SPC25: variants seen among roughly 807,000 people sequenced by gnomAD.
SPC25 encodes SPC25 component of NDC80 kinetochore complex, also known as kinetochore protein Spc25.
SPC25 carries 22 observed loss-of-function variants against 29.6 expected under a neutral mutation model. That is an observed-to-expected ratio of 0.74 (90% confidence interval 0.53 to 1.06). SPC25 has a LOEUF of 1.06. SPC25 is among the 50% of genes least tolerant of loss of function. The probability of loss-of-function intolerance (pLI) is 0.00; values close to 1 mark genes in which losing one functional copy is unlikely to be tolerated. For synonymous variants in SPC25, 91 were observed against 90.4 expected, an observed-to-expected ratio of 1.01 and a Z score of -0.04; for missense variants, 230 against 255.8, an observed-to-expected ratio of 0.90 and a Z score of 0.69.
intron 4 of SPC25, among the ~76,000 whole-genome samples, chr2:168,862,257 CA>C (rs1388770030): frequency 6.6e-6 from 1 of 152,228 alleles, no homozygotes; most frequent in African/African-American, 2.4e-5. Context: ...GACATTGTTG[CA>C]GGCCTATTGT....
At chr2:168,889,179 G>A in intron 3 of SPC25, 47 bp downstream of exon 3, 1 of 1,519,538 alleles carries the variant, frequency 6.6e-7, no homozygotes, top group South Asian at 1.2e-5. Context: ...TCATGATAAA[G>A]ATGTTTTATC....
rs535346091 is a variant in SPC25 at position 168,888,357 on chromosome 2, C to T, written c.199+869G>A. The stretch of plus-strand genomic sequence containing the variant: ...GATCACGAGGTCAGGAGATTGAGAC[C>T]GTCTTGGCTAACACAGTGAAACCCT... On this transcript the variant is annotated intron_variant, in intron 3 of 6. Coordinates refer to ENST00000282074, the MANE Select transcript of SPC25 (RefSeq NM_020675.4). Among the ~76,000 whole-genome samples the T allele has an allele frequency of 2.4e-4, 36 of 152,188 alleles. No homozygotes were observed. The South Asian group carries it at 7.1e-3, about 30-fold the overall frequency.
chr2:168,889,387 C>T lies in SPC25; in HGVS notation c.133G>A (p.Glu45Lys), dbSNP rs1690351405. 6.2e-7 allele frequency: 1 copy of T among 1,613,908 alleles called. No individual in the cohort carries two copies. The highest frequency in any genetic ancestry group is 1.3e-5 in the African/African-American group (1 of 74,874). ...TYKDSIKAFA[E>K]KLSVKLKEEE... ...CATGTTACAAGTTAACACTAGGTAC[C>T]TGCAAATGCTTTGATGGAATCCTTG... Residue 45 changes from glutamate to lysine, a missense_variant and splice_region_variant, in exon 2 of 7, where the codon GAA becomes AAA. Coordinates refer to ENST00000282074, the MANE Select transcript of SPC25 (RefSeq NM_020675.4).
intron 5 of SPC25, among the ~76,000 whole-genome samples, chr2:168,874,370 C>T (rs971585059): frequency 6.6e-6 from 1 of 152,186 alleles, no homozygotes; most frequent in Non-Finnish European, 1.5e-5. Context: ...AGCAATTCCA[C>T]TCCTAAGTAT....
intron 6 of SPC25, among the ~76,000 whole-genome samples, chr2:168,872,605 G>A (rs568000932): frequency 6.6e-6 from 1 of 152,146 alleles, no homozygotes; most frequent in African/African-American, 2.4e-5. Flanking sequence ...AAGGGCATCT[G>A]GTCCAAAATG....
At chr2:168,873,126 G>C (rs1004419703) in intron 6 of SPC25, among the ~76,000 whole-genome samples, 29 of 152,166 alleles carry the variant, frequency 1.9e-4, no homozygotes, top group Non-Finnish European at 1.5e-5. Flanking sequence ...TTATCAATGT[G>C]TGAGATTTGC....
At chr2:168,866,581 T>C (rs1411783052), downstream of SPC25, among the ~76,000 whole-genome samples, 1 of 149,794 alleles carries the variant, frequency 6.7e-6, no homozygotes, top group East Asian at 1.9e-4. Context: ...GGATTTCATG[T>C]CTAAAACACC....
At chr2:168,876,382 T>C (rs1302991051) in intron 4 of SPC25, among the ~76,000 whole-genome samples, 1 of 152,106 alleles carries the variant, frequency 6.6e-6, no homozygotes, top group Admixed American at 6.5e-5. Flanking sequence ...GGAAAATGTA[T>C]ACAGATAGTG....
chr2:168,888,267 ACT>A (rs113465169), intron 3 of SPC25, among the ~76,000 whole-genome samples: 2,409 of 150,814 alleles, frequency 0.016, 60 homozygotes, highest in African/African-American at 0.056. Flanking sequence ...ACAAAGTGAG[ACT>A]CTGTCACCAG....
At chr2:168,861,550 A>C (rs950883202) in intron 4 of SPC25, among the ~76,000 whole-genome samples, 1 of 152,140 alleles carries the variant, frequency 6.6e-6, no homozygotes, top group African/African-American at 2.4e-5. Flanking sequence ...TTAAGGAGTC[A>C]CTGTTGCATT....
intron 1 of SPC25, 22 bp downstream of exon 1, chr2:168,890,296 G>T: frequency 1.0e-6 from 1 of 978,444 alleles, no homozygotes; most frequent in East Asian, 1.1e-4. Context: ...AAGGAGCCCA[G>T]CTCGGCGCCC....
intron 3 of SPC25, among the ~76,000 whole-genome samples, chr2:168,884,648 T>C (rs1435653785): frequency 2.0e-5 from 3 of 152,206 alleles, no homozygotes; most frequent in African/African-American, 7.2e-5. Flanking sequence ...TGACCTTCTC[T>C]CTTACTTCCT....
intron 3 of SPC25, among the ~76,000 whole-genome samples, chr2:168,878,293 T>C (rs1469494021): frequency 1.3e-5 from 2 of 152,184 alleles, no homozygotes; most frequent in African/African-American, 4.8e-5. Context: ...CAAATATAGT[T>C]TATACCAAGG....
chr2:168,887,111 A>T (rs1436887953), intron 3 of SPC25, among the ~76,000 whole-genome samples: 1 of 152,124 alleles, frequency 6.6e-6, no homozygotes, highest in Non-Finnish European at 1.5e-5. Flanking sequence ...TGGAAGCTTC[A>T]GGGCAGATTA....
At chr2:168,884,578 T>C (rs1690227598) in intron 3 of SPC25, among the ~76,000 whole-genome samples, 1 of 152,242 alleles carries the variant, frequency 6.6e-6, no homozygotes, top group African/African-American at 2.4e-5. Flanking sequence ...TTACTGGATC[T>C]ACCTGTGACT....
intron 3 of SPC25, among the ~76,000 whole-genome samples, 194 bp from the exon 4 acceptor site, chr2:168,877,578 T>C (rs1483596070): frequency 6.6e-6 from 1 of 151,960 alleles, no homozygotes; most frequent in African/African-American, 2.4e-5. Context: ...TTACTCATCT[T>C]TAAAAAAAAT....
At chr2:168,868,003 T>C (rs1689900269), downstream of SPC25, among the ~76,000 whole-genome samples, 1 of 152,130 alleles carries the variant, frequency 6.6e-6, no homozygotes, top group African/African-American at 2.4e-5. Flanking sequence ...TAACAAACTG[T>C]CTCTCAGACC....
intron 4 of SPC25, chr2:168,864,916 C>A (rs771745688): frequency 6.2e-7 from 1 of 1,613,990 alleles, no homozygotes; most frequent in Non-Finnish European, 8.5e-7. Flanking sequence ...ATTTTCCTGC[C>A]GCTTATGTGG....
intron 4 of SPC25, among the ~76,000 whole-genome samples, chr2:168,862,403 A>G (rs780984706): frequency 1.6e-4 from 25 of 152,036 alleles, no homozygotes; most frequent in Admixed American, 1.0e-3. Context: ...TTGAACTTGG[A>G]AACACAGTCA....
Sources: gnomAD v4.1 joint callset for allele counts (sites outside exome capture counted in the v4.1 genomes callset) on GRCh38, gnomAD v4.1.1 for gene constraint, MANE v1.5 for transcripts, NCBI Gene and HGNC (gene_info 2026-07-23, HGNC 2026-07-21) for gene names.